Variants in KIAA1328 observed in about 807,000 individuals in gnomAD.
The protein encoded by KIAA1328 is KIAA1328.
KIAA1328 carries 52 observed loss-of-function variants against 68.1 expected under a neutral mutation model. The ratio of observed to expected loss-of-function variants is 0.76; its 90% confidence interval spans 0.61 to 0.96. The LOEUF is 0.96. KIAA1328 is among the 40% of genes least tolerant of loss of function. KIAA1328 has a pLI of 0.00. For missense variants in KIAA1328, 641 were observed against 677.6 expected (o/e 0.95, Z 0.60); for synonymous variants, 232 against 239.4 (o/e 0.97, Z 0.28).
At chr18:36,959,883 A>G (rs1012975555) in intron 6 of KIAA1328, among the ~76,000 whole-genome samples, 3 of 152,368 alleles carry the variant, frequency 2.0e-5, no homozygotes, top group South Asian at 2.1e-4. Flanking sequence ...ATATGCTTGC[A>G]TACATATATT....
At chr18:37,081,195 T>C (rs1180435145) in intron 7 of KIAA1328, among the ~76,000 whole-genome samples, 3 of 152,146 alleles carry the variant, frequency 2.0e-5, no homozygotes, top group Non-Finnish European at 4.4e-5. Context: ...TTGGCCAGGC[T>C]GGTCTCAAAC....
chr18:36,995,200 A>G (rs745621096), intron 6 of KIAA1328, among the ~76,000 whole-genome samples: 1 of 152,124 alleles, frequency 6.6e-6, no homozygotes, highest in East Asian at 1.9e-4. Flanking sequence ...GAGTGAGAAC[A>G]GGCAGTGTTT....
downstream of KIAA1328, chr18:37,231,484 C>T (rs1029355655): frequency 2.6e-5 from 4 of 152,294 alleles, no homozygotes; most frequent in Admixed American, 1.3e-4. Context: ...CCAGTGGAGC[C>T]AGAGGGAGTG....
intron 5 of KIAA1328, among the ~76,000 whole-genome samples, chr18:36,893,778 G>C (rs2151009891): frequency 6.6e-6 from 1 of 152,110 alleles, no homozygotes; most frequent in African/African-American, 2.4e-5. Flanking sequence ...CAGAGGAGTT[G>C]ATAGAAAAAC....
chr18:37,002,228 C>CTTTTTTTTTTTTTTTTTTTT (rs145948250), intron 6 of KIAA1328, among the ~76,000 whole-genome samples: 4 of 95,164 alleles, frequency 4.2e-5, no homozygotes, highest in African/African-American at 7.3e-5. Flanking sequence ...ATTTTTTTTT[C>CTTTTTTTTTTTTTTTTTTTT]TTTTTTTTTT....
intron 6 of KIAA1328, among the ~76,000 whole-genome samples, chr18:37,001,286 T>C (rs1282806454): frequency 6.6e-6 from 1 of 152,000 alleles, no homozygotes; most frequent in East Asian, 1.9e-4. Context: ...AATGGATAAA[T>C]TCCTGGAAAC....
At chr18:37,109,108 T>G (rs2057857424) in intron 7 of KIAA1328, among the ~76,000 whole-genome samples, 1 of 152,268 alleles carries the variant, frequency 6.6e-6, no homozygotes. Context: ...GCACATGAAC[T>G]CATCCTTTTT....
At chr18:37,003,358 C>A (rs914253575) in intron 6 of KIAA1328, among the ~76,000 whole-genome samples, 1 of 152,028 alleles carries the variant, frequency 6.6e-6, no homozygotes, top group Non-Finnish European at 1.5e-5. Context: ...AAACTAAAAA[C>A]CTGCACGGCA....
At chr18:36,841,858 A>G (rs1368706789) in intron 3 of KIAA1328, among the ~76,000 whole-genome samples, 1 of 152,218 alleles carries the variant, frequency 6.6e-6, no homozygotes. Flanking sequence ...CTTTATATAA[A>G]TGAGCTCATA....
chr18:36,850,091 G>C (rs1319195228), intron 4 of KIAA1328, among the ~76,000 whole-genome samples: 1 of 151,666 alleles, frequency 6.6e-6, no homozygotes, highest in African/African-American at 2.4e-5. Flanking sequence ...AGATATTCTG[G>C]ATGATAGATC....
chr18:37,113,510 A>G (rs1291303500), intron 7 of KIAA1328, among the ~76,000 whole-genome samples: 1 of 152,250 alleles, frequency 6.6e-6, no homozygotes, highest in African/African-American at 2.4e-5. Flanking sequence ...TGAAGGAATC[A>G]CTGAACGTGG....
At chr18:37,160,090 TAA>T in intron 7 of KIAA1328, 108 bp from the exon 8 acceptor site, 1 of 787,932 alleles carries the variant, frequency 1.3e-6, no homozygotes, top group Non-Finnish European at 1.9e-6. Context: ...AAAGGTAAGA[TAA>T]AGAGAGTTCT....
chr18:37,155,674 T>G (rs949392047), intron 7 of KIAA1328, among the ~76,000 whole-genome samples: 1 of 152,166 alleles, frequency 6.6e-6, no homozygotes, highest in African/African-American at 2.4e-5. Context: ...ATTTTTCTCC[T>G]GAGAGCCTTT....
At chr18:36,962,885 AC>A (rs773580073) in intron 6 of KIAA1328, among the ~76,000 whole-genome samples, 11 of 152,220 alleles carry the variant, frequency 7.2e-5, no homozygotes, top group South Asian at 2.1e-4. Context: ...TAAAATTGAC[AC>A]CCTAACTTCA....
intron 7 of KIAA1328, among the ~76,000 whole-genome samples, chr18:37,144,110 C>T (rs2154208640): frequency 6.6e-6 from 1 of 152,172 alleles, no homozygotes; most frequent in South Asian, 2.1e-4. Context: ...TATGAAGCTA[C>T]TCATATTTTC....
At chr18:37,037,128 C>A (rs1460504263) in intron 6 of KIAA1328, among the ~76,000 whole-genome samples, 5 of 151,906 alleles carry the variant, frequency 3.3e-5, no homozygotes, top group African/African-American at 1.2e-4. Flanking sequence ...CTGTACTGTT[C>A]ATTGGTTATA....
chr18:36,953,259 TTAA>T (rs1314113830), intron 5 of KIAA1328, among the ~76,000 whole-genome samples: 5 of 147,464 alleles, frequency 3.4e-5, no homozygotes, highest in South Asian at 2.1e-4. Flanking sequence ...AGTGTAATAT[TTAA>T]TAATATATGC....
rs989440212 is a variant in KIAA1328 at position 37,224,554 on chromosome 18, T to C, written c.*2327T>C. 2.1e-6 allele frequency: 2 copies of C among 969,460 alleles called. No individual in the cohort carries two copies. Among genetic ancestry groups the C allele is most frequent in the Non-Finnish European group, 2.5e-6 (2 of 815,484 alleles). 60.1% of individuals were successfully genotyped at this position (969,460 alleles called of 1,614,324 possible). ...GTATATAATCTAATGTCTTCATTATTAATTGAATAGTACATGTTAACATTT... is the reference window on the plus strand; with the variant it reads ...GTATATAATCTAATGTCTTCATTATCAATTGAATAGTACATGTTAACATTT... On this transcript the variant is annotated 3_prime_UTR_variant, in exon 10 of 10. Transcript: ENST00000280020.
At chr18:36,944,662 G>C (rs1006172462) in intron 5 of KIAA1328, among the ~76,000 whole-genome samples, 5 of 152,132 alleles carry the variant, frequency 3.3e-5, no homozygotes, top group African/African-American at 9.7e-5. Flanking sequence ...TCCATTTAAT[G>C]ATGGGTAAAG....
Sources: gnomAD v4.1 joint callset for allele counts (sites outside exome capture counted in the v4.1 genomes callset) on GRCh38, gnomAD v4.1.1 for gene constraint, MANE v1.5 for transcripts, NCBI Gene and HGNC (gene_info 2026-07-23, HGNC 2026-07-21) for gene names.